ATAD3B: variants seen among roughly 807,000 people sequenced by gnomAD.
ATAD3B encodes the protein ATPase family AAA domain-containing protein 3B.
ATAD3B carries 59 observed loss-of-function variants against 70.2 expected under a neutral mutation model. That is an observed-to-expected ratio of 0.84 (90% CI 0.68 to 1.04). The LOEUF (loss-of-function observed/expected upper bound fraction) is 1.04, where lower values mean the gene tolerates loss of function less well. ATAD3B is among the 50% of genes least tolerant of loss of function. ATAD3B has a pLI of 0.00. For synonymous variants in ATAD3B, 423 were observed against 388.6 expected (o/e 1.09, Z -1.04); for missense variants, 961 against 913.4 (o/e 1.05, Z -0.67).
chr1:1,486,804 T>C, intron 11 of ATAD3B, 136 bp downstream of exon 11: 1 of 1,483,960 alleles, frequency 6.7e-7, no homozygotes, highest in Non-Finnish European at 9.0e-7. Context: ...GGAGGCCCAA[T>C]GGAGGGTCCC....
intron 5 of ATAD3B, among the ~76,000 whole-genome samples, chr1:1,481,518 G>A (rs1474621054): frequency 3.4e-5 from 2 of 59,696 alleles, no homozygotes; most frequent in Non-Finnish European, 6.3e-5. Flanking sequence ...GGGATCACAG[G>A]TATTTGGTGC....
At chr1:1,506,151 C>G in the ATAD3B span, among the ~76,000 whole-genome samples, 7 of 152,266 alleles carry the variant, frequency 4.6e-5, 1 homozygote, top group African/African-American at 1.7e-4. Context: ...AGGAGAATCA[C>G]TTGAACCCAG....
intron 2 of ATAD3B, chr1:1,478,406 C>G (rs1279561708): frequency 7.4e-6 from 11 of 1,495,904 alleles, no homozygotes; most frequent in Non-Finnish European, 9.8e-6. Flanking sequence ...GGGTTGGTGT[C>G]TGACCTCCCT....
In ATAD3B at chr1:1,479,830, T is replaced by G. The variant is rs553779123; in HGVS notation, c.444+722T>G. Reference sequence around the variant, plus strand: ...TCACACAGCCCACACACATACCCCTTCACACAGGCACACACCGCCCCGCAC... The same window carrying G: ...TCACACAGCCCACACACATACCCCTGCACACAGGCACACACCGCCCCGCAC... On this transcript the variant is annotated intron_variant, in intron 4 of 15. Coordinates refer to ENST00000673477, the MANE Select transcript of ATAD3B (RefSeq NM_031921.6). Among the ~76,000 whole-genome samples, 2 of 97,614 alleles carry G rather than the reference T, an allele frequency of 2.0e-5. 1 individual carries two copies. The highest frequency in any genetic ancestry group is 6.7e-4 in the East Asian group (2 of 2,970). 64.0% of individuals were successfully genotyped at this position (97,614 alleles called of 152,430 possible).
At chr1:1,504,381 G>A in the ATAD3B span, among the ~76,000 whole-genome samples, 1 of 151,984 alleles carries the variant, frequency 6.6e-6, no homozygotes, top group Non-Finnish European at 1.5e-5. Context: ...CAGGTGCGGT[G>A]GCTCACACCT....
chr1:1,477,206 C>T, intron 1 of ATAD3B, 68 bp from the exon 2 acceptor site: 1 of 1,585,220 alleles, frequency 6.3e-7, no homozygotes, highest in Non-Finnish European at 8.6e-7. Flanking sequence ...GGTTGGGTTT[C>T]ACCATGTTGG....
the ATAD3B span, among the ~76,000 whole-genome samples, chr1:1,508,609 G>T: frequency 6.6e-6 from 1 of 151,418 alleles, no homozygotes; most frequent in East Asian, 1.9e-4. Flanking sequence ...CATTAGGATG[G>T]AGAGTGACCT....
rs1351488096 is a variant in ATAD3B, at chr1:1,482,048, C to T, written c.515-90C>T. 1.1e-5 allele frequency: 17 copies of T among 1,515,298 alleles called. No homozygotes were observed. The Admixed American group carries it at 1.2e-4, about 11-fold the overall frequency. The allele number at this position is 1,515,298 out of a possible 1,614,324, so 93.9% of individuals were successfully genotyped here. A position where few individuals can be genotyped will look rare whatever the true frequency, so the allele number is the denominator to read the frequency against. ...GGCGTTGGTCTGTCCGTGGCGTGGG[C>T]CGGTCCGTGGCGTGGGCCGGTCCAC... On this transcript the variant is annotated intron_variant, in intron 5 of 15. Transcript: ENST00000673477.
rs1411386710 is a variant in ATAD3B, at chr1:1,497,407, T to G, written c.*1590T>G. ...CACCACGCCCGCTAATGCTAAAAAT[T>G]TGTTGTAGAGACCGAGTCTTGCTAT... On this transcript the variant is annotated 3_prime_UTR_variant, in exon 16 of 16. Transcript: ENST00000673477. The G allele has an allele frequency of 6.7e-6, 1 of 148,926 alleles. No individual in the cohort carries two copies. Among genetic ancestry groups the G allele is most frequent in the East Asian group, 2.0e-4 (1 of 5,048 alleles). 9.2% of individuals were successfully genotyped at this position (148,926 alleles called of 1,614,324 possible). A position where few individuals can be genotyped will look rare whatever the true frequency, so the allele number is the denominator to read the frequency against.
chr1:1,475,435 G>A (rs1464904835), intron 1 of ATAD3B, among the ~76,000 whole-genome samples: 4 of 151,092 alleles, frequency 2.6e-5, no homozygotes, highest in African/African-American at 7.3e-5. Context: ...GGCTTCCTCC[G>A]TGCCCCTTTC....
rs373211432 is a variant in ATAD3B at position 1,487,834 on chromosome 1, G to C, written c.1215-29G>C. On this transcript the variant is annotated intron_variant, in intron 11 of 15. Coordinates refer to ENST00000673477, the MANE Select transcript of ATAD3B (RefSeq NM_031921.6). ...GTGGGCTGCTCCTGGCGTCACTCTC[G>C]CCTTGCTTGGCCTCTCTCTCGTTCA... is the stretch of plus-strand genomic sequence containing the variant. 4.4e-5 allele frequency: 71 copies of C among 1,611,418 alleles called. No homozygotes were observed. In the African/African-American group the frequency reaches 9.1e-4, roughly 21 times the overall value.
chr1:1,503,491 C>G, the ATAD3B span: 8 of 1,283,172 alleles, frequency 6.2e-6, no homozygotes, highest in East Asian at 1.5e-4. Flanking sequence ...GAGGCGTGGC[C>G]GTGGATTCCA....
At chr1:1,474,797 G>C (rs1639513500) in intron 1 of ATAD3B, among the ~76,000 whole-genome samples, 1 of 151,956 alleles carries the variant, frequency 6.6e-6, no homozygotes, top group Non-Finnish European at 1.5e-5. Context: ...CGCTGCTCAT[G>C]GCCTTCCTCG....
chr1:1,494,595 G>T (rs1570280707), intron 15 of ATAD3B, among the ~76,000 whole-genome samples: 1 of 151,918 alleles, frequency 6.6e-6, no homozygotes, highest in East Asian at 1.9e-4. Flanking sequence ...GGTGGGCGCT[G>T]GCAGAGGGGA....
intron 7 of ATAD3B, chr1:1,484,810 T>C (rs908604034): frequency 7.4e-7 from 1 of 1,347,058 alleles, no homozygotes; most frequent in Admixed American, 2.9e-5. Flanking sequence ...TGGCCCTGAG[T>C]GAGGGCGTTA....
intron 1 of ATAD3B, among the ~76,000 whole-genome samples, chr1:1,474,019 C>G (rs1403433611): frequency 6.6e-6 from 1 of 151,872 alleles, no homozygotes; most frequent in Non-Finnish European, 1.5e-5. Context: ...CCCAGGCTAA[C>G]ATGGATAGTC....
At chr1:1,472,414 C>A (rs893340393) in intron 1 of ATAD3B, among the ~76,000 whole-genome samples, 2 of 151,996 alleles carry the variant, frequency 1.3e-5, no homozygotes, top group Non-Finnish European at 2.9e-5. Context: ...TCTGCGCTTG[C>A]CGCCTCCACG....
At chr1:1,490,818 G>A (rs1470067653) in intron 15 of ATAD3B, 147 bp downstream of exon 15, 2 of 1,463,436 alleles carry the variant, frequency 1.4e-6, no homozygotes, top group Non-Finnish European at 1.8e-6. Context: ...AGGGCCCCCT[G>A]CCTCAGTCGG....
chr1:1,498,614 C>T (rs1557438996), downstream of ATAD3B, among the ~76,000 whole-genome samples: 2 of 151,728 alleles, frequency 1.3e-5, no homozygotes, highest in Admixed American at 6.6e-5. Flanking sequence ...CTCTTTGTTG[C>T]CTAGGCTGGT....
Sources: allele counts gnomAD v4.1 joint callset (sites outside exome capture counted in the v4.1 genomes callset), GRCh38; gene constraint gnomAD v4.1.1; transcripts MANE v1.5; gene names NCBI Gene and HGNC (gene_info 2026-07-23, HGNC 2026-07-21).